The following SLC12A7 variants were observed in gnomAD, a reference collection of about 807,000 sequenced individuals.
SLC12A7 encodes the protein K-Cl cotransporter 4.
In SLC12A7, 100 loss-of-function variants were observed where a neutral mutation model predicts 120.6. The observed-to-expected ratio is 0.83, with a 90% confidence interval of 0.71 to 0.98. SLC12A7 has a LOEUF of 0.98. Among genes scored for constraint, SLC12A7 ranks in the 50% least tolerant of loss-of-function variants. The pLI is 0.00. For missense variants in SLC12A7, 1,373 were observed against 1,548.1 expected, an observed-to-expected ratio of 0.89 and a Z score of 1.90; for synonymous variants, 760 against 678.0, an observed-to-expected ratio of 1.12 and a Z score of -1.88.
chr5:1,086,045 G>A (rs191590545), intron 6 of SLC12A7, among the ~76,000 whole-genome samples: 2 of 152,320 alleles, frequency 1.3e-5, no homozygotes, highest in African/African-American at 4.8e-5. Context: ...AGCAGGCATG[G>A]AGGGCATGGC....
intron 9 of SLC12A7, 92 bp downstream of exon 9, chr5:1,081,485 G>A: frequency 3.7e-6 from 5 of 1,333,548 alleles, no homozygotes; most frequent in Non-Finnish European, 5.2e-6. Flanking sequence ...TCACACCACT[G>A]CCCTCCAGCC....
the SLC12A7 span, among the ~76,000 whole-genome samples, chr5:1,138,617 C>G: frequency 6.6e-6 from 1 of 152,206 alleles, no homozygotes; most frequent in Non-Finnish European, 1.5e-5. Flanking sequence ...GCGACTTCAG[C>G]TGGAGATCTT....
chr5:1,102,670 G>T (rs552003885), intron 1 of SLC12A7, among the ~76,000 whole-genome samples: 254 of 150,854 alleles, frequency 1.7e-3, no homozygotes, highest in African/African-American at 5.9e-3. Flanking sequence ...GCCTGGGGCA[G>T]GGGACAAGCA....
At chr5:1,147,017 G>A in the SLC12A7 span, among the ~76,000 whole-genome samples, 3 of 152,074 alleles carry the variant, frequency 2.0e-5, no homozygotes, top group African/African-American at 7.2e-5. Context: ...ACAGACTTTC[G>A]CTCTTTTCAT....
At chr5:1,096,858 GA>G (rs1741295037) in intron 1 of SLC12A7, among the ~76,000 whole-genome samples, 6 of 100,018 alleles carry the variant, frequency 6.0e-5, no homozygotes, top group African/African-American at 1.8e-4. Context: ...AGGAGGGAGG[GA>G]GGGATGAAGG....
the SLC12A7 span, among the ~76,000 whole-genome samples, chr5:1,132,874 G>C: frequency 6.6e-6 from 1 of 152,196 alleles, no homozygotes; most frequent in Admixed American, 6.5e-5. Context: ...GATAAATGAT[G>C]AATTTTATTT....
chr5:1,086,746 C>T (rs1041390151), intron 6 of SLC12A7, among the ~76,000 whole-genome samples, 157 bp downstream of exon 6: 3 of 152,218 alleles, frequency 2.0e-5, no homozygotes, highest in African/African-American at 7.2e-5. Flanking sequence ...CAGTGGCTTC[C>T]GCCATGGCCA....
At chr5:1,065,560 C>T in intron 17 of SLC12A7, 82 bp from the exon 18 acceptor site, 5 of 1,199,220 alleles carry the variant, frequency 4.2e-6, no homozygotes, top group South Asian at 1.6e-5. Flanking sequence ...GGCCAGGGCA[C>T]CCGCACCACC....
chr5:1,074,916 C>T (rs749386566), intron 15 of SLC12A7, among the ~76,000 whole-genome samples: 4 of 152,126 alleles, frequency 2.6e-5, no homozygotes, highest in Non-Finnish European at 5.9e-5. Flanking sequence ...GCGTGAGGTG[C>T]CTTCCTCACA....
chr5:1,143,117 C>T, the SLC12A7 span, among the ~76,000 whole-genome samples: 1 of 152,330 alleles, frequency 6.6e-6, no homozygotes, highest in African/African-American at 2.4e-5. Context: ...GCAACATGCC[C>T]CTCCATCCGC....
chr5:1,098,142 C>CAACCCTCTGCAAGCCCAGCCCCA (rs1561101033), intron 1 of SLC12A7, among the ~76,000 whole-genome samples: 2 of 91,466 alleles, frequency 2.2e-5, no homozygotes, highest in African/African-American at 1.1e-4. Context: ...GCCCAGCCCC[C>CAACCCTCTGCAAGCCCAGCCCCA]ACAACCCTCT....
intron 17 of SLC12A7, among the ~76,000 whole-genome samples, chr5:1,069,092 C>T (rs897042172): frequency 7.2e-5 from 11 of 152,262 alleles, no homozygotes; most frequent in South Asian, 2.1e-4. Flanking sequence ...TAGCAGCTAA[C>T]GCCTGAACCC....
chr5:1,089,248 A>G (rs1321886878), intron 3 of SLC12A7, 120 bp from the exon 4 acceptor site: 2 of 1,058,746 alleles, frequency 1.9e-6, no homozygotes, highest in Non-Finnish European at 2.7e-6. Flanking sequence ...AGGGGGCAGG[A>G]GTCCTTCCCA....
the SLC12A7 span, among the ~76,000 whole-genome samples, chr5:1,143,372 G>A: frequency 6.6e-6 from 1 of 152,184 alleles, no homozygotes; most frequent in Non-Finnish European, 1.5e-5. Context: ...GCTGCTGGGC[G>A]GTTTCTCCCA....
In SLC12A7 at chr5:1,077,611, G is replaced by A. The variant is rs931634609; in HGVS notation, c.1629+222C>T. On this transcript the variant is annotated intron_variant, in intron 12 of 23. Coordinates refer to ENST00000264930, the MANE Select transcript of SLC12A7 (RefSeq NM_006598.3). ...AGCCGCTCCTGACACACCCGGGGCC[G>A]AGCTCGGAGGGACCTGCAGGCAGGA... Among the ~76,000 whole-genome samples the A allele has an allele frequency of 3.9e-5, 6 of 152,146 alleles. 1 individual carries two copies. The highest frequency in any genetic ancestry group is 7.4e-5 in the Non-Finnish European group (5 of 68,024).
At position 1,093,606 on chromosome 5, in the gene SLC12A7, GCCAGCTTGTTGA is replaced by G; in HGVS notation, c.257_268del (p.Leu86_Ala90delinsPro). 1 of 1,613,040 alleles carries G rather than the reference GCCAGCTTGTTGA, an allele frequency of 6.2e-7. No individual in the cohort carries two copies. Among genetic ancestry groups the G allele is most frequent in the Non-Finnish European group, 8.5e-7 (1 of 1,179,860 alleles). ...GCCCTGGCTCAGGTTGGTGTAGTTGGCCAGCTTGTTGAGCAGCGAGGACACCATGGGGTTACT... is the reference window on the plus strand; with the variant it reads ...GCCCTGGCTCAGGTTGGTGTAGTTGGGCAGCGAGGACACCATGGGGTTACT... On this transcript the variant is annotated inframe_deletion, in exon 3 of 24. Coordinates refer to ENST00000264930, the MANE Select transcript of SLC12A7 (RefSeq NM_006598.3).
chr5:1,094,131 C>A, intron 2 of SLC12A7, 23 bp downstream of exon 2: 1 of 1,595,936 alleles, frequency 6.3e-7, no homozygotes, highest in South Asian at 1.1e-5. Context: ...CTGGCACCTT[C>A]TTCTTCTAAA....
chr5:1,081,561 G>A lies in SLC12A7; in HGVS notation c.1297+16C>T. On this transcript the variant is annotated intron_variant, in intron 9 of 23. Transcript: ENST00000264930. ...GAGAAAGAAAGAGAAGGGGAAGCCT[G>A]GAGCAGCGGGCTCACCGGTCACGGA... The A allele has an allele frequency of 1.3e-6, 2 of 1,593,622 alleles. No homozygotes were observed. The highest frequency in any genetic ancestry group is 2.3e-5 in the East Asian group (1 of 44,300).
intron 18 of SLC12A7, among the ~76,000 whole-genome samples, chr5:1,064,659 AGTGAAGGGATAGCGAGGAGACG>A (rs1579331022): frequency 6.9e-6 from 1 of 145,370 alleles, no homozygotes; most frequent in African/African-American, 2.6e-5. Context: ...GCGAGGAGAC[AGTGAAGGGATAGCGAGGAGACG>A]GTGAAGGGAC....
Sources: allele counts gnomAD v4.1 joint callset (sites outside exome capture counted in the v4.1 genomes callset), GRCh38; gene constraint gnomAD v4.1.1; transcripts MANE v1.5; gene names NCBI Gene and HGNC (gene_info 2026-07-23, HGNC 2026-07-21).